Variants in VPS8 observed in about 807,000 individuals in gnomAD.
VPS8 encodes vacuolar protein sorting-associated protein 8 homolog.
In VPS8, 129 loss-of-function variants were observed where a neutral mutation model predicts 216.4. The observed-to-expected ratio is 0.60, with a 90% CI of 0.52 to 0.69. VPS8 has a LOEUF of 0.69. Among genes scored for constraint, VPS8 ranks in the 30% least tolerant of loss-of-function variants. The probability of loss-of-function intolerance (pLI) is 0.00; values close to 1 mark genes in which losing one functional copy is unlikely to be tolerated. For synonymous variants in VPS8, 571 were observed against 565.4 expected (o/e 1.01, Z -0.14); for missense variants, 1,531 against 1,683.5 (o/e 0.91, Z 1.59).
intron 40 of VPS8, among the ~76,000 whole-genome samples, chr3:184,979,575 C>A (rs1233923808): frequency 3.9e-5 from 6 of 151,904 alleles, no homozygotes; most frequent in Non-Finnish European, 2.9e-5. Context: ...CTTTTTTGTT[C>A]ATTGTTGTTT....
chr3:185,051,147 C>T (rs964668382), intron 47 of VPS8, among the ~76,000 whole-genome samples: 1 of 152,162 alleles, frequency 6.6e-6, no homozygotes, highest in Non-Finnish European at 1.5e-5. Flanking sequence ...GGATGGTCCC[C>T]CTGAGTGGCA....
chr3:184,929,678 C>G lies in VPS8; in HGVS notation c.2799+14C>G. 7.1e-7 allele frequency: 1 copy of G among 1,409,840 alleles called. No homozygotes were observed. The highest frequency in any genetic ancestry group is 9.5e-7 in the Non-Finnish European group (1 of 1,051,538). 87.3% of individuals were successfully genotyped at this position (1,409,840 alleles called of 1,614,324 possible). On this transcript the variant is annotated intron_variant, in intron 33 of 47. Coordinates refer to ENST00000625842, the MANE Select transcript of VPS8 (RefSeq NM_001009921.3). ...CCTCTGCGAGAGGTGAGTCAAGATA[C>G]TGCTTTACTCTTTTTTCTTACTCAA...
rs189287779 is a variant in VPS8, at chr3:184,978,685, A to G, written c.3421-3881A>G. The stretch of plus-strand genomic sequence containing the variant: ...AAAGCTGGGATTACAATTGTGAGCC[A>G]TCGCACCTGGCCTCTCTTTTTCTTA... On this transcript the variant is annotated intron_variant, in intron 40 of 47. Transcript: ENST00000625842. Among the ~76,000 whole-genome samples, 598 of 152,324 alleles carry G rather than the reference A, an allele frequency of 3.9e-3. 2 individuals carry two copies. The highest frequency in any genetic ancestry group is 0.014 in the African/African-American group (562 of 41,570).
intron 45 of VPS8, among the ~76,000 whole-genome samples, chr3:185,018,348 A>G (rs1020619180): frequency 6.6e-6 from 1 of 152,210 alleles, no homozygotes; most frequent in Non-Finnish European, 1.5e-5. Context: ...TAAAGGAAGG[A>G]TATTGTTCTG....
intron 45 of VPS8, among the ~76,000 whole-genome samples, chr3:185,018,349 T>C (rs1189959564): frequency 6.6e-6 from 1 of 152,200 alleles, no homozygotes; most frequent in African/African-American, 2.4e-5. Flanking sequence ...AAAGGAAGGA[T>C]ATTGTTCTGC....
chr3:184,923,268 C>G (rs903929612), intron 29 of VPS8, among the ~76,000 whole-genome samples: 1 of 152,146 alleles, frequency 6.6e-6, no homozygotes, highest in African/African-American at 2.4e-5. Context: ...AGTCTTCCCT[C>G]CTACACTTCT....
At chr3:184,883,721 A>G (rs1426831872) in intron 21 of VPS8, among the ~76,000 whole-genome samples, 1 of 152,124 alleles carries the variant, frequency 6.6e-6, no homozygotes, top group Non-Finnish European at 1.5e-5. Flanking sequence ...GTCTAAATGT[A>G]TGAATCTGAT....
intron 46 of VPS8, among the ~76,000 whole-genome samples, chr3:185,033,400 C>T (rs1166620996): frequency 4.6e-5 from 7 of 152,182 alleles, no homozygotes; most frequent in Non-Finnish European, 1.5e-5. Flanking sequence ...TCTAACTTGG[C>T]GTCTTTCACT....
chr3:184,925,146 G>A (rs1227737884), intron 30 of VPS8, among the ~76,000 whole-genome samples, 165 bp downstream of exon 30: 1 of 152,162 alleles, frequency 6.6e-6, no homozygotes, highest in African/African-American at 2.4e-5. Context: ...GTATATGGGT[G>A]TATGGGTATG....
chr3:185,046,625 G>A (rs1177502051), intron 46 of VPS8, among the ~76,000 whole-genome samples: 1 of 152,124 alleles, frequency 6.6e-6, no homozygotes, highest in Non-Finnish European at 1.5e-5. Flanking sequence ...TTCTCTCTGG[G>A]AGTATAAACA....
chr3:184,913,492 C>T, intron 25 of VPS8, 27 bp from the exon 26 acceptor site: 2 of 1,557,494 alleles, frequency 1.3e-6, no homozygotes, highest in Non-Finnish European at 1.7e-6. Context: ...GAGAAAATTG[C>T]TGAAGATACT....
chr3:185,046,595 T>G (rs1397585372), intron 46 of VPS8, among the ~76,000 whole-genome samples: 1 of 152,142 alleles, frequency 6.6e-6, no homozygotes, highest in Admixed American at 6.5e-5. Flanking sequence ...TTCATCCCAT[T>G]GTTCTTTCTA....
chr3:184,918,962 A>G (rs1314285832), intron 28 of VPS8: 2 of 152,308 alleles, frequency 1.3e-5, no homozygotes, highest in South Asian at 2.1e-4. Context: ...AAGAGTTCCT[A>G]CAGTCTCCTT....
intron 25 of VPS8, chr3:184,901,295 G>A: frequency 4.2e-6 from 1 of 240,108 alleles, no homozygotes; most frequent in Non-Finnish European, 7.9e-6. Context: ...CGTGGATGAA[G>A]CATAATATTT....
Position 184,894,748 on chromosome 3 carries a change from A to T in VPS8, c.1827A>T (p.Ser609=), listed in dbSNP as rs763343336. The change falls in exon 23 of 48, where the codon TCA becomes TCT. Residue 609 remains serine (S), a synonymous_variant. Transcript: ENST00000625842. ...TGTATGATAAATTAAGTGAGAATTC[A>T]GTGGCCAAAGGAGTATTTTTGGAGT... ...SQMYDKLSEN[S]VAKGVFLECL... The T allele has an allele frequency of 6.2e-7, 1 of 1,608,590 alleles. No homozygotes were observed. Among genetic ancestry groups the T allele is most frequent in the African/African-American group, 1.3e-5 (1 of 74,802 alleles).
At chr3:184,987,141 T>A (rs1344076220) in intron 42 of VPS8, among the ~76,000 whole-genome samples, 1 of 151,990 alleles carries the variant, frequency 6.6e-6, no homozygotes, top group Non-Finnish European at 1.5e-5. Flanking sequence ...TGAGACAGAG[T>A]CTCACTCTGT....
intron 40 of VPS8, among the ~76,000 whole-genome samples, chr3:184,978,306 G>A (rs564553578): frequency 1.3e-5 from 2 of 152,030 alleles, no homozygotes; most frequent in African/African-American, 2.4e-5. Flanking sequence ...TTCTGACTGC[G>A]TTTATTTGGA....
chr3:184,817,802 C>T (rs1716667654), intron 1 of VPS8, among the ~76,000 whole-genome samples: 1 of 152,170 alleles, frequency 6.6e-6, no homozygotes, highest in Non-Finnish European at 1.5e-5. Flanking sequence ...AGCCAGTAAG[C>T]CCAGTGATGT....
At chr3:184,821,499 A>G (rs947679656) in intron 1 of VPS8, among the ~76,000 whole-genome samples, 1 of 151,734 alleles carries the variant, frequency 6.6e-6, no homozygotes, top group African/African-American at 2.4e-5. Context: ...ACACGCCACC[A>G]CGCTTGGCTA....
Sources: allele counts gnomAD v4.1 joint callset (sites outside exome capture counted in the v4.1 genomes callset), GRCh38; gene constraint gnomAD v4.1.1; transcripts MANE v1.5; gene names NCBI Gene and HGNC (gene_info 2026-07-23, HGNC 2026-07-21).